Variants in IMPDH1 observed in about 807,000 individuals in gnomAD.
IMPDH1 encodes the protein inosine-5'-monophosphate dehydrogenase 1.
A neutral mutation model predicts 73.5 loss-of-function variants in IMPDH1; 41 were observed. The observed-to-expected ratio is 0.56, with a 90% CI of 0.43 to 0.72. The LOEUF is 0.72. IMPDH1 is among the 30% of genes least tolerant of loss of function. IMPDH1 has a pLI of 0.00. For synonymous variants in IMPDH1, 318 were observed against 334.3 expected (o/e 0.95, Z 0.53); for missense variants, 645 against 824.8 (o/e 0.78, Z 2.67).
chr7:128,400,227 G>A lies in IMPDH1; in HGVS notation c.787-45C>T, dbSNP rs776115576. ...TGCCTGCAGGTTGGCAGGTGAGAGA[G>A]AAGGAGCCAGGCCTCCCTCTGGTCC... On this transcript the variant is annotated intron_variant, in intron 8 of 16. Coordinates refer to ENST00000338791, the MANE Select transcript of IMPDH1 (RefSeq NM_000883.4). The A allele has an allele frequency of 2.5e-6, 4 of 1,611,386 alleles. No individual in the cohort carries two copies. In the South Asian group the frequency reaches 4.4e-5, roughly 18 times the overall value.
chr7:128,399,130 G>A (rs1034615213), intron 9 of IMPDH1, among the ~76,000 whole-genome samples: 8 of 152,042 alleles, frequency 5.3e-5, no homozygotes, highest in Non-Finnish European at 7.4e-5. Context: ...TTGGGAGGCC[G>A]AGGCAGGTGG....
At position 128,400,552 on chromosome 7, in the gene IMPDH1, A is replaced by G. The variant is rs773138031; in HGVS notation, c.580-13T>C. ...CCTGTTCAAACTTCTGCGGGCAGAG[A>G]TGGGGGAGGAAAAGGCTGGAAGAAA... On this transcript the variant is annotated splice_polypyrimidine_tract_variant and intron_variant, in intron 7 of 16. Coordinates refer to ENST00000338791, the MANE Select transcript of IMPDH1 (RefSeq NM_000883.4). The G allele has an allele frequency of 4.3e-6, 7 of 1,609,246 alleles. No individual in the cohort carries two copies. In the Admixed American group the frequency reaches 1.0e-4, roughly 23 times the overall value.
chr7:128,408,722 CG>C lies in IMPDH1; in HGVS notation c.254+566del, dbSNP rs565906924. On this transcript the variant is annotated intron_variant, in intron 3 of 16. Coordinates refer to ENST00000338791, the MANE Select transcript of IMPDH1 (RefSeq NM_000883.4). The stretch of plus-strand genomic sequence containing the variant: ...AGCACTGCCTCTGTCAAGCCCCAAC[CG>C]GCTCATTCAGCCCCTGTGGCCCCTC... Among the ~76,000 whole-genome samples the C allele has an allele frequency of 3.9e-3, 587 of 152,340 alleles. 2 individuals are homozygous for C. The highest frequency in any genetic ancestry group is 6.6e-3 in the Non-Finnish European group (451 of 68,024).
intron 3 of IMPDH1, among the ~76,000 whole-genome samples, chr7:128,406,400 A>C (rs1266339675): frequency 1.4e-5 from 2 of 146,394 alleles, no homozygotes; most frequent in African/African-American, 2.5e-5. Context: ...GCCGTTCCCC[A>C]ATCCCCAATA....
At position 128,398,357 on chromosome 7, in the gene IMPDH1, C is replaced by T; in HGVS notation, c.1074+57G>A. 6.9e-7 allele frequency: 1 copy of T among 1,448,870 alleles called. No individual in the cohort carries two copies. The highest frequency in any genetic ancestry group is 1.1e-5 in the South Asian group (1 of 87,172). 89.8% of individuals were successfully genotyped at this position (1,448,870 alleles called of 1,614,324 possible). A position where few individuals can be genotyped will look rare whatever the true frequency, so the allele number is the denominator to read the frequency against. ...AGAGGTGAACCTGGGTCCTCATAAA[C>T]CTCCACTCTGCTGAACCACTCATCC... On this transcript the variant is annotated intron_variant, in intron 10 of 16. Transcript: ENST00000338791. This position sits in a 1 kb window ranked among gnomAD's most constrained non-coding sequence, Gnocchi z 4.3.
chr7:128,395,905 G>A (rs1396661542), intron 12 of IMPDH1, among the ~76,000 whole-genome samples: 1 of 152,258 alleles, frequency 6.6e-6, no homozygotes, highest in Non-Finnish European at 1.5e-5. Flanking sequence ...CTAAGGCGAA[G>A]GGCACAAACC....
chr7:128,405,638 G>A (rs1798670087), intron 4 of IMPDH1, 129 bp downstream of exon 4: 1 of 1,318,858 alleles, frequency 7.6e-7, no homozygotes, highest in Admixed American at 3.4e-5. Flanking sequence ...CCCGTGCCCA[G>A]CCCCCAGCGC....
rs181007456 is a variant in IMPDH1, at chr7:128,399,636, G to C, written c.874+459C>G. Among the ~76,000 whole-genome samples, 478 of 151,210 alleles carry C rather than the reference G, an allele frequency of 3.2e-3. 1 individual carries two copies. The highest frequency in any genetic ancestry group is 0.011 in the African/African-American group (461 of 41,222). ...CAGGAGGCGAGGGTTGCAGTGAGCT[G>C]ACATTGCGCCACTGTACTCCAGCCT... On this transcript the variant is annotated intron_variant, in intron 9 of 16. Transcript: ENST00000338791.
In IMPDH1 at chr7:128,396,012, G is replaced by C. The variant is rs1415809345; in HGVS notation, c.1261+588C>G. ...TGTTTTGGAGAAATTGCCCTCACAG[G>C]AGGGGCCGGGTACATCTCCTCAGGC... On this transcript the variant is annotated intron_variant, in intron 12 of 16. Transcript: ENST00000338791. This position sits in a 1 kb window ranked among gnomAD's most constrained non-coding sequence, Gnocchi z 4.0. Among the ~76,000 whole-genome samples, 1 of 152,096 alleles carries C rather than the reference G, an allele frequency of 6.6e-6. No homozygotes were observed. The highest frequency in any genetic ancestry group is 1.5e-5 in the Non-Finnish European group (1 of 68,016).
chr7:128,401,375 A>C (rs1017783522), intron 5 of IMPDH1, among the ~76,000 whole-genome samples: 72 of 152,366 alleles, frequency 4.7e-4, no homozygotes, highest in African/African-American at 1.7e-3. Flanking sequence ...CACTGGCAAC[A>C]AGGTGACTGG....
At chr7:128,399,922 C>T (rs755004786) in intron 9 of IMPDH1, among the ~76,000 whole-genome samples, 173 bp downstream of exon 9, 1 of 152,178 alleles carries the variant, frequency 6.6e-6, no homozygotes, top group Non-Finnish European at 1.5e-5. Flanking sequence ...GGCAAGCTTC[C>T]CTAAGCTAAG....
Position 128,400,158 on chromosome 7 carries a change from C to T in IMPDH1, c.811G>A (p.Val271Met), listed in dbSNP as rs371548060. 3 of 1,614,012 alleles carry T rather than the reference C, an allele frequency of 1.9e-6. No homozygotes were observed. Among genetic ancestry groups the T allele is most frequent in the Non-Finnish European group, 2.5e-6 (3 of 1,180,032 alleles). The stretch of plus-strand genomic sequence containing the variant: ...AACGTCACACCTGCTGGAGCCACCA[C>T]CAGTTCAATCCTTGGCGTCATCACC... ...SEVMTPRIEL[V>M]VAPAGVTLKE... The change falls in exon 9 of 17, where the codon GTG becomes ATG. Residue 271 changes from valine (V) to methionine (M), a missense_variant. Transcript: ENST00000338791.
In IMPDH1 at chr7:128,396,870, C is replaced by T; in HGVS notation, c.1165+62G>A. 1 of 1,312,080 alleles carries T rather than the reference C, an allele frequency of 7.6e-7. No individual in the cohort carries two copies. The highest frequency in any genetic ancestry group is 2.3e-5 in the East Asian group (1 of 43,470). 81.3% of individuals were successfully genotyped at this position (1,312,080 alleles called of 1,614,324 possible). ...ACCATCACCTAGGGATGCTGAAGGACAGAAAAGGGTTACTCATTGGAGGGG... is the reference window on the plus strand; with the variant it reads ...ACCATCACCTAGGGATGCTGAAGGATAGAAAAGGGTTACTCATTGGAGGGG... On this transcript the variant is annotated intron_variant, in intron 11 of 16. Coordinates refer to ENST00000338791, the MANE Select transcript of IMPDH1 (RefSeq NM_000883.4). This position sits in a 1 kb window ranked among gnomAD's most constrained non-coding sequence, Gnocchi z 4.0.
rs1350062114 is a variant in IMPDH1, at chr7:128,395,277, G to T, written c.1262-3C>A. On this transcript the variant is annotated splice_polypyrimidine_tract_variant and splice_region_variant and intron_variant, in intron 12 of 16. Coordinates refer to ENST00000338791, the MANE Select transcript of IMPDH1 (RefSeq NM_000883.4). ...CTGGGGCCGACCACAGGCCATCACTGGGGGAGGGTGGGGTGCACAAGGCAG... is the reference window on the plus strand; with the variant it reads ...CTGGGGCCGACCACAGGCCATCACTTGGGGAGGGTGGGGTGCACAAGGCAG... The T allele has an allele frequency of 1.2e-6, 2 of 1,612,806 alleles. No individual in the cohort carries two copies. The highest frequency in any genetic ancestry group is 2.7e-5 in the African/African-American group (2 of 74,920).
At chr7:128,395,511 A>T (rs890418425) in intron 12 of IMPDH1, among the ~76,000 whole-genome samples, 1 of 152,186 alleles carries the variant, frequency 6.6e-6, no homozygotes, top group Non-Finnish European at 1.5e-5. Flanking sequence ...TGACGGGGGA[A>T]CCAGAAGCGG....
chr7:128,394,326 T>G lies in IMPDH1; in HGVS notation c.1730A>C (p.Lys577Thr). The change falls in exon 16 of 17, where the codon AAG becomes ACG. Residue 577 changes from lysine (K) to threonine (T), a missense_variant. Lys to Thr is a moderately conservative substitution (Grantham distance 78). Transcript: ENST00000338791. The surrounding 1 kb of genome is among the most constrained non-coding windows in gnomAD (Gnocchi z 5.5). ...CTCAATCTGGGCCGACATGGTCCGCTTCTCAAACTTGAGCTCTCCTGAGTA... is the reference window on the plus strand; with the variant it reads ...CTCAATCTGGGCCGACATGGTCCGCGTCTCAAACTTGAGCTCTCCTGAGTA... ...MMYSGELKFE[K>T]RTMSAQIEGG... 1 of 1,614,082 alleles carries G rather than the reference T, an allele frequency of 6.2e-7. No homozygotes were observed. The highest frequency in any genetic ancestry group is 8.5e-7 in the Non-Finnish European group (1 of 1,180,002).
chr7:128,403,336 T>A (rs368957061), intron 5 of IMPDH1, among the ~76,000 whole-genome samples: 5 of 152,118 alleles, frequency 3.3e-5, no homozygotes, highest in African/African-American at 1.2e-4. Context: ...GGCGGACGGA[T>A]CACTTGAGCT....
At chr7:128,406,307 C>CG (rs1369048446) in intron 3 of IMPDH1, among the ~76,000 whole-genome samples, 1 of 120,712 alleles carries the variant, frequency 8.3e-6, no homozygotes, top group Non-Finnish European at 1.8e-5. Flanking sequence ...CCCCACACCC[C>CG]CCACCCCCCC....
In IMPDH1 at chr7:128,398,857, C is replaced by T. The variant is rs41281740; in HGVS notation, c.875-244G>A. ...CTGGGGGTCTGTGGATGGGCATCCC[C>T]GTGGCCTGGGATGGGCAGCCCGAGC... On this transcript the variant is annotated intron_variant, in intron 9 of 16. Coordinates refer to ENST00000338791, the MANE Select transcript of IMPDH1 (RefSeq NM_000883.4). This position sits in a 1 kb window ranked among gnomAD's most constrained non-coding sequence, Gnocchi z 4.3. 0.018 allele frequency among the ~76,000 whole-genome samples: 2,709 copies of T among 152,246 alleles called. 41 individuals carry two copies. The highest frequency in any genetic ancestry group is 0.055 in the South Asian group (264 of 4,826).
Sources: gnomAD v4.1 joint callset for allele counts (sites outside exome capture counted in the v4.1 genomes callset) on GRCh38, gnomAD v4.1.1 for gene constraint, Gnocchi (gnomAD v3.1) non-coding constraint, MANE v1.5 for transcripts, NCBI Gene and HGNC (gene_info 2026-07-23, HGNC 2026-07-21) for gene names.